Variants in KDM2B observed in about 807,000 individuals in gnomAD.
KDM2B encodes the protein lysine-specific demethylase 2B.
A neutral mutation model predicts 150.0 loss-of-function variants in KDM2B; 26 were observed. The ratio of observed to expected loss-of-function variants is 0.17; its 90% CI spans 0.13 to 0.24. KDM2B has a LOEUF of 0.24. Among genes scored for constraint, KDM2B ranks in the 10% least tolerant of loss-of-function variants. The pLI is 1.00. For synonymous variants in KDM2B, 734 were observed against 729.5 expected, an observed-to-expected ratio of 1.01 and a Z score of -0.10; for missense variants, 1,265 against 1,816.9, an observed-to-expected ratio of 0.70 and a Z score of 5.52.
In KDM2B at chr12:121,549,555, C is replaced by T; in HGVS notation, c.481G>A (p.Glu161Lys). 1 of 1,613,664 alleles carries T rather than the reference C, an allele frequency of 6.2e-7. No homozygotes were observed. The highest frequency in any genetic ancestry group is 8.5e-7 in the Non-Finnish European group (1 of 1,179,712). ...TTGTCCCGCTGGGCCTCGGGCGTCTCGTAGTAACGCACAAACTGGGACATG... is the reference window on the plus strand; with the variant it reads ...TTGTCCCGCTGGGCCTCGGGCGTCTTGTAGTAACGCACAAACTGGGACATG... Reference protein sequence around the residue: ...MSMSQFVRYYETPEAQRDKLY... With the variant: ...MSMSQFVRYYKTPEAQRDKLY... Residue 161 changes from glutamate (E) to lysine (K), a missense_variant, in exon 5 of 23, where the codon GAG (glutamate) becomes AAG (lysine). Around this residue, in one of 11 missense-constraint regions of KDM2B, gnomAD observed 214 missense variants for 447.4 expected, o/e 0.48. Coordinates refer to ENST00000377071, the MANE Select transcript of KDM2B (RefSeq NM_032590.5). This position sits in a 1 kb window ranked among gnomAD's most constrained non-coding sequence, Gnocchi z 4.4.
At chr12:121,478,282 T>C (rs1881616177) in intron 12 of KDM2B, among the ~76,000 whole-genome samples, 1 of 151,706 alleles carries the variant, frequency 6.6e-6, no homozygotes, top group African/African-American at 2.4e-5. Flanking sequence ...GCCACTCCGG[T>C]AGTAAGCACA....
intron 12 of KDM2B, among the ~76,000 whole-genome samples, chr12:121,464,688 A>C (rs1412931247): frequency 6.6e-6 from 1 of 152,232 alleles, no homozygotes; most frequent in Non-Finnish European, 1.5e-5. Flanking sequence ...CCTTTCATCC[A>C]GCAGGTGGGC....
At chr12:121,514,293 A>T (rs1279262262) in intron 9 of KDM2B, among the ~76,000 whole-genome samples, 1 of 151,568 alleles carries the variant, frequency 6.6e-6, no homozygotes. Context: ...GTTTTTTTGT[A>T]TTTTTTGTAG....
At chr12:121,503,822 C>T (rs1465983793) in intron 11 of KDM2B, among the ~76,000 whole-genome samples, 6 of 152,224 alleles carry the variant, frequency 3.9e-5, no homozygotes, top group Non-Finnish European at 8.8e-5. Context: ...ATAGTGAGGA[C>T]ACTGCAGTTT....
chr12:121,549,646 C>A lies in KDM2B; in HGVS notation c.398-8G>T. 5 of 1,564,906 alleles carry A rather than the reference C, an allele frequency of 3.2e-6. No individual in the cohort carries two copies. The highest frequency in any genetic ancestry group is 4.4e-6 in the Non-Finnish European group (5 of 1,147,598). On this transcript the variant is annotated splice_polypyrimidine_tract_variant and splice_region_variant and intron_variant, in intron 4 of 22. Transcript: ENST00000377071. This position sits in a 1 kb window ranked among gnomAD's most constrained non-coding sequence, Gnocchi z 4.4. ...CCACAAGCCGCCGGCTCCCTGGAGG[C>A]AGAAGCCACACACTGGTTGTTCCTG...
chr12:121,535,417 A>C (rs1380395828), intron 6 of KDM2B, among the ~76,000 whole-genome samples: 1 of 152,114 alleles, frequency 6.6e-6, no homozygotes, highest in African/African-American at 2.4e-5. Context: ...GGGGGGCAGG[A>C]CAATGGGGAA....
chr12:121,483,424 G>A (rs145540051), intron 12 of KDM2B, among the ~76,000 whole-genome samples: 40 of 152,060 alleles, frequency 2.6e-4, no homozygotes, highest in African/African-American at 9.7e-4. Context: ...TGTAATCCTA[G>A]CACTTTGGGA....
At position 121,518,972 on chromosome 12, in the gene KDM2B, G is replaced by T. The variant is rs1277423119; in HGVS notation, c.1047+2013C>A. On this transcript the variant is annotated intron_variant, in intron 9 of 22. Coordinates refer to ENST00000377071, the MANE Select transcript of KDM2B (RefSeq NM_032590.5). This position sits in a 1 kb window ranked among gnomAD's most constrained non-coding sequence, Gnocchi z 4.4. ...CATGGGGCGGCTCCTCCAGACCAGGGTGGGGGCTGGCCTTCCCCAGGTGGG... is the reference window on the plus strand; with the variant it reads ...CATGGGGCGGCTCCTCCAGACCAGGTTGGGGGCTGGCCTTCCCCAGGTGGG... Among the ~76,000 whole-genome samples, 2 of 152,220 alleles carry T rather than the reference G, an allele frequency of 1.3e-5. No homozygotes were observed. The highest frequency in any genetic ancestry group is 3.9e-4 in the East Asian group (2 of 5,190).
At chr12:121,573,773 G>A (rs1436642298) in intron 4 of KDM2B, among the ~76,000 whole-genome samples, 1 of 151,876 alleles carries the variant, frequency 6.6e-6, no homozygotes, top group Non-Finnish European at 1.5e-5. Context: ...ATTTTTAGTA[G>A]AGACGGGGTT....
At chr12:121,504,036 T>C (rs1306166656) in intron 11 of KDM2B, among the ~76,000 whole-genome samples, 1 of 152,212 alleles carries the variant, frequency 6.6e-6, no homozygotes, top group African/African-American at 2.4e-5. Flanking sequence ...TCCCATCTCA[T>C]ACAGGCCAAT....
chr12:121,549,546 C>T lies in KDM2B; in HGVS notation c.490G>A (p.Glu164Lys), dbSNP rs1889324100. The change falls in exon 5 of 23, where the codon GAG (glutamate) becomes AAG (lysine). Residue 164 changes from glutamate to lysine, a missense_variant. Glu to Lys is a moderately conservative substitution (Grantham distance 56). This residue lies in a region of KDM2B where 214 missense variants were observed against 447.4 expected (regional missense o/e 0.48). Coordinates refer to ENST00000377071, the MANE Select transcript of KDM2B (RefSeq NM_032590.5). The surrounding 1 kb of genome is among the most constrained non-coding windows in gnomAD (Gnocchi z 4.4). ...SQFVRYYETP[E>K]AQRDKLYNVI... is the part of the protein sequence containing the mutation. ...TTGTACAGCTTGTCCCGCTGGGCCT[C>T]GGGCGTCTCGTAGTAACGCACAAAC... The T allele has an allele frequency of 6.2e-7, 1 of 1,613,582 alleles. No individual in the cohort carries two copies. Among genetic ancestry groups the T allele is most frequent in the Non-Finnish European group, 8.5e-7 (1 of 1,179,704 alleles).
the KDM2B span, chr12:121,423,240 G>A: frequency 1.7e-6 from 1 of 586,084 alleles, no homozygotes; most frequent in Admixed American, 3.2e-5. The surrounding 1 kb of genome is among the most constrained non-coding windows in gnomAD (Gnocchi z 4.3). Context: ...GTGCAGAGAA[G>A]TTGGGATTAT....
chr12:121,561,043 C>T (rs1232628175), intron 4 of KDM2B, among the ~76,000 whole-genome samples: 4 of 152,208 alleles, frequency 2.6e-5, no homozygotes, highest in Non-Finnish European at 5.9e-5. Context: ...TCCCTCCCTC[C>T]GCCGCCCACC....
chr12:121,574,460 TAA>T (rs1416412854), intron 4 of KDM2B, 85 bp downstream of exon 4: 1 of 1,308,742 alleles, frequency 7.6e-7, no homozygotes, highest in Admixed American at 1.9e-5. Flanking sequence ...GAGAGGCAGT[TAA>T]AAGTCTAAAT....
At chr12:121,534,405 G>T in intron 7 of KDM2B, 92 bp downstream of exon 7, 1 of 884,174 alleles carries the variant, frequency 1.1e-6, no homozygotes, top group Non-Finnish European at 1.9e-6. Flanking sequence ...CTGGTTGGAG[G>T]AGGGAGGTGG....
At chr12:121,439,754 T>C (rs1329209048) in intron 22 of KDM2B, 103 bp downstream of exon 22, 1 of 843,006 alleles carries the variant, frequency 1.2e-6, no homozygotes, top group Non-Finnish European at 2.0e-6. Context: ...CACCTAGCAC[T>C]GTGACCACAT....
rs1341732829 is a variant in KDM2B, at chr12:121,442,715, T to C, written c.2726A>G (p.His909Arg). The change falls in exon 19 of 23, where the codon CAC becomes CGC. Residue 909 changes from histidine to arginine, a missense_variant. By Grantham distance (29) the His-to-Arg change is conservative. Around this residue, in one of 11 missense-constraint regions of KDM2B, gnomAD observed 418 missense variants for 402.4 expected, o/e 1.04. Coordinates refer to ENST00000377071, the MANE Select transcript of KDM2B (RefSeq NM_032590.5). The surrounding 1 kb of genome is among the most constrained non-coding windows in gnomAD (Gnocchi z 7.7). ...EAPPKTRESD[H>R]SRSSSPTAGP... The stretch of plus-strand genomic sequence containing the variant: ...CGCGGTGGGGGAGCTGGAGCGGGAG[T>C]GGTCGCTCTCCCTGGTCTTGGGGGG... The C allele has an allele frequency of 9.5e-6, 15 of 1,579,124 alleles. No individual in the cohort carries two copies. The Admixed American group carries it at 2.8e-4, about 29-fold the overall frequency.
At chr12:121,413,776 C>T in the KDM2B span, among the ~76,000 whole-genome samples, 1 of 151,854 alleles carries the variant, frequency 6.6e-6, no homozygotes, top group Non-Finnish European at 1.5e-5. Context: ...CAGGTTTCAC[C>T]GTGTTGGCCA....
intron 22 of KDM2B, among the ~76,000 whole-genome samples, chr12:121,432,539 A>G (rs1364791721): frequency 6.6e-6 from 1 of 152,170 alleles, no homozygotes; most frequent in Admixed American, 6.5e-5. Context: ...TCTGACCAGG[A>G]TGGTTTTCTT....
Sources: allele counts gnomAD v4.1 joint callset (sites outside exome capture counted in the v4.1 genomes callset), GRCh38; gene constraint gnomAD v4.1.1; regional missense constraint gnomAD v4.1.1; non-coding constraint Gnocchi (gnomAD v3.1); transcripts MANE v1.5; gene names NCBI Gene and HGNC (gene_info 2026-07-23, HGNC 2026-07-21).